Variants in LRRTM4 observed in about 807,000 individuals in gnomAD.
LRRTM4 encodes leucine-rich repeat transmembrane neuronal protein 4.
Under a neutral mutation model 47.6 loss-of-function variants are expected in LRRTM4, and 25 were observed. That is an observed-to-expected ratio of 0.53 (90% CI 0.38 to 0.73). The LOEUF (loss-of-function observed/expected upper bound fraction) is 0.73, where lower values mean the gene tolerates loss of function less well. Ranked by LOEUF, LRRTM4 falls within the 30% of genes least tolerant of loss-of-function variation. The pLI is 0.00. For missense variants in LRRTM4, 638 were observed against 713.4 expected, an observed-to-expected ratio of 0.89 and a Z score of 1.20; for synonymous variants, 311 against 269.5, an observed-to-expected ratio of 1.15 and a Z score of -1.51.
chr2:77,207,880 T>C (rs1674183862), intron 3 of LRRTM4, among the ~76,000 whole-genome samples: 1 of 134,654 alleles, frequency 7.4e-6, no homozygotes, highest in Non-Finnish European at 1.6e-5. Context: ...TTTTTTTTTT[T>C]TTTTTTTTTT....
At chr2:76,966,793 C>T (rs779555798) in intron 3 of LRRTM4, among the ~76,000 whole-genome samples, 23 of 151,574 alleles carry the variant, frequency 1.5e-4, no homozygotes, top group African/African-American at 5.5e-4. Context: ...GTGGTTGACA[C>T]TGCCAATTAA....
chr2:77,054,433 T>G (rs571420404), intron 3 of LRRTM4, among the ~76,000 whole-genome samples: 3 of 152,174 alleles, frequency 2.0e-5, no homozygotes, highest in Non-Finnish European at 4.4e-5. Flanking sequence ...CAAATACTTC[T>G]CCACAATAAA....
intron 3 of LRRTM4, among the ~76,000 whole-genome samples, chr2:77,354,229 G>A (rs1671888601): frequency 6.6e-6 from 1 of 152,012 alleles, no homozygotes; most frequent in Non-Finnish European, 1.5e-5. Context: ...CTTCAATCTG[G>A]TCCAAAGTTC....
At chr2:77,107,818 CAAAAAAAAAA>C (rs768875970) in intron 3 of LRRTM4, among the ~76,000 whole-genome samples, 3 of 57,902 alleles carry the variant, frequency 5.2e-5, no homozygotes, top group Non-Finnish European at 1.1e-4. Context: ...AAATCCAACT[CAAAAAAAAAA>C]AAAAAAAAGA....
rs527528997 is a variant in LRRTM4 at position 77,031,689 on chromosome 2, G to A, written c.1552-282773C>T. Reference sequence around the variant, plus strand: ...TATGTCTGATGACACCCAAATGAACGTCTCCAGTCAATAATGAACACCATG... The same window carrying A: ...TATGTCTGATGACACCCAAATGAACATCTCCAGTCAATAATGAACACCATG... On this transcript the variant is annotated intron_variant, in intron 3 of 3. Transcript: ENST00000409884. Among the ~76,000 whole-genome samples the A allele has an allele frequency of 1.5e-4, 23 of 152,132 alleles. No homozygotes were observed. The South Asian group carries it at 4.6e-3, about 30-fold the overall frequency.
intron 3 of LRRTM4, among the ~76,000 whole-genome samples, chr2:77,216,986 T>G (rs1674462306): frequency 6.7e-6 from 1 of 149,150 alleles, no homozygotes; most frequent in Non-Finnish European, 1.5e-5. Context: ...GGCAGGAGAA[T>G]GGCGTGAACC....
At chr2:77,113,521 T>C (rs75428077) in intron 3 of LRRTM4, among the ~76,000 whole-genome samples, 20,293 of 152,076 alleles carry the variant, frequency 0.13, 2,568 homozygotes, top group African/African-American at 0.32. Context: ...AAGAGTTGCA[T>C]TGAAGTTTCA....
At chr2:77,237,652 C>A (rs1235758483) in intron 3 of LRRTM4, among the ~76,000 whole-genome samples, 1 of 152,074 alleles carries the variant, frequency 6.6e-6, no homozygotes, top group Non-Finnish European at 1.5e-5. Context: ...TCTCCGTGAT[C>A]CTCCACCAAG....
rs185347977 is a variant in LRRTM4, at chr2:76,950,763, C to T, written c.1552-201847G>A. 1.6e-4 allele frequency among the ~76,000 whole-genome samples: 24 copies of T among 151,932 alleles called. 1 individual carries two copies. Among genetic ancestry groups the T allele is most frequent in the Admixed American group, 1.3e-3 (20 of 15,222 alleles). On this transcript the variant is annotated intron_variant, in intron 3 of 3. Transcript: ENST00000409884. ...TGATCTAATACTTACAAAAATAAAA[C>T]AGATACTCAAGAGCAGTTGTAGGTA...
chr2:76,749,427 C>G (rs902685144), intron 3 of LRRTM4, among the ~76,000 whole-genome samples: 2 of 151,656 alleles, frequency 1.3e-5, no homozygotes, highest in Non-Finnish European at 2.9e-5. Flanking sequence ...TATTTGATAC[C>G]TATACACAAT....
At chr2:77,398,059 G>A (rs1673770702) in intron 3 of LRRTM4, among the ~76,000 whole-genome samples, 2 of 151,840 alleles carry the variant, frequency 1.3e-5, no homozygotes, top group African/African-American at 4.8e-5. Flanking sequence ...TGACTAGCCT[G>A]ACCCAAAAGA....
chr2:77,365,768 A>T (rs1672418862), intron 3 of LRRTM4, among the ~76,000 whole-genome samples: 1 of 151,364 alleles, frequency 6.6e-6, no homozygotes, highest in African/African-American at 2.4e-5. Context: ...TAGTGAAAAA[A>T]GCTTAAACTA....
At chr2:76,788,423 A>C (rs958769858) in intron 3 of LRRTM4, among the ~76,000 whole-genome samples, 1 of 152,174 alleles carries the variant, frequency 6.6e-6, no homozygotes, top group Non-Finnish European at 1.5e-5. Flanking sequence ...CTTTTACTCA[A>C]TCAGAACAAA....
At chr2:77,251,521 C>T (rs944145204) in intron 3 of LRRTM4, among the ~76,000 whole-genome samples, 1 of 151,984 alleles carries the variant, frequency 6.6e-6, no homozygotes, top group East Asian at 1.9e-4. Flanking sequence ...TAATAAACAA[C>T]GTGAGTCTAA....
chr2:76,802,852 A>G (rs1052762936), intron 3 of LRRTM4, among the ~76,000 whole-genome samples: 2 of 152,146 alleles, frequency 1.3e-5, no homozygotes, highest in African/African-American at 2.4e-5. Flanking sequence ...CGATGGAGAA[A>G]GGACACGCTC....
At chr2:76,753,922 A>G (rs1672938335) in intron 3 of LRRTM4, among the ~76,000 whole-genome samples, 1 of 152,156 alleles carries the variant, frequency 6.6e-6, no homozygotes, top group Non-Finnish European at 1.5e-5. Context: ...GTCGCTTAAG[A>G]GTCGGATCAT....
intron 3 of LRRTM4, among the ~76,000 whole-genome samples, chr2:77,300,633 TATATA>T (rs1410842334): frequency 1.3e-5 from 2 of 152,208 alleles, no homozygotes; most frequent in Non-Finnish European, 2.9e-5. Flanking sequence ...AAATCATGTG[TATATA>T]ATATAACATG....
intron 3 of LRRTM4, among the ~76,000 whole-genome samples, chr2:77,133,223 C>A (rs950121976): frequency 3.9e-5 from 6 of 152,132 alleles, no homozygotes; most frequent in Non-Finnish European, 8.8e-5. Context: ...TTATCTACAA[C>A]AGAGACATGC....
chr2:76,841,694 A>G (rs897701393), intron 3 of LRRTM4, among the ~76,000 whole-genome samples: 2 of 151,294 alleles, frequency 1.3e-5, no homozygotes, highest in Admixed American at 6.6e-5. Flanking sequence ...CTGTGTATAT[A>G]TATATAAAAG....
Sources: allele counts gnomAD v4.1 joint callset (sites outside exome capture counted in the v4.1 genomes callset), GRCh38; gene constraint gnomAD v4.1.1; transcripts MANE v1.5; gene names NCBI Gene and HGNC (gene_info 2026-07-23, HGNC 2026-07-21).